PRR16: variants seen among roughly 807,000 people sequenced by gnomAD.
PRR16 encodes the protein protein Largen.
A neutral mutation model predicts 18.2 loss-of-function variants in PRR16; 6 were observed. The ratio of observed to expected loss-of-function variants is 0.33; its 90% CI spans 0.18 to 0.65. The LOEUF (loss-of-function observed/expected upper bound fraction) is 0.65. PRR16 is among the 30% of genes least tolerant of loss of function. The probability of loss-of-function intolerance (pLI) is 0.74; values close to 1 mark genes in which losing one functional copy is unlikely to be tolerated. For missense variants in PRR16, 412 were observed against 376.6 expected (o/e 1.09, Z -0.78); for synonymous variants, 151 against 147.8 (o/e 1.02, Z -0.16).
chr5:120,613,020 G>A (rs1282786805), intron 1 of PRR16, among the ~76,000 whole-genome samples: 2 of 152,034 alleles, frequency 1.3e-5, no homozygotes. Context: ...ACACTTATTG[G>A]GCAAAGACAA....
rs777003345 is a variant in PRR16 at position 120,686,715 on chromosome 5, G to A, written c.*6G>A. On this transcript the variant is annotated 3_prime_UTR_variant, in exon 2 of 2. Coordinates refer to ENST00000407149, the MANE Select transcript of PRR16 (RefSeq NM_001300783.2). The stretch of plus-strand genomic sequence containing the variant: ...CAACCACTACAACCGTGTGATGTAT[G>A]CCATTAAAAAAATTGTTTTTTTAAT... The A allele has an allele frequency of 6.9e-6, 10 of 1,456,174 alleles. No homozygotes were observed. In the Admixed American group the frequency reaches 2.2e-4, roughly 32 times the overall value. The allele number at this position is 1,456,174 out of a possible 1,614,324, so 90.2% of individuals were successfully genotyped here.
Position 120,626,884 on chromosome 5 carries a change from A to G in PRR16, c.160-59070A>G, listed in dbSNP as rs534363527. ...ACTGACCTTATTTCTCTTGGATATG[A>G]TAAACTGAATGTCTCACTTTGGAAA... On this transcript the variant is annotated intron_variant, in intron 1 of 1. Transcript: ENST00000407149. Among the ~76,000 whole-genome samples the G allele has an allele frequency of 4.5e-4, 69 of 152,280 alleles. 1 individual carries two copies. In the South Asian group the frequency reaches 0.014, roughly 31 times the overall value.
the PRR16 span, among the ~76,000 whole-genome samples, chr5:120,779,406 GAAAAC>G: frequency 0.099 from 15,089 of 151,860 alleles, 948 homozygotes; most frequent in African/African-American, 0.18. Context: ...CTTTTTCAGG[GAAAAC>G]AAAACAAAAC....
At chr5:120,607,276 C>T (rs1754184626) in intron 1 of PRR16, among the ~76,000 whole-genome samples, 1 of 152,056 alleles carries the variant, frequency 6.6e-6, no homozygotes, top group Non-Finnish European at 1.5e-5. Flanking sequence ...TCCCCTTTTA[C>T]TGAAAAGTGA....
intron 1 of PRR16, among the ~76,000 whole-genome samples, chr5:120,603,282 A>T (rs1036051919): frequency 2.6e-5 from 4 of 151,980 alleles, no homozygotes; most frequent in Non-Finnish European, 5.9e-5. Context: ...TTCCTGTTTT[A>T]ATCTTGGAAG....
intron 1 of PRR16, among the ~76,000 whole-genome samples, chr5:120,670,238 CTCCCAACACAGTTTTGTT>C (rs1292397803): frequency 2.0e-5 from 3 of 152,046 alleles, no homozygotes; most frequent in Non-Finnish European, 4.4e-5. Flanking sequence ...TTTATAGTAT[CTCCCAACACAGTTTTGTT>C]AAAATTAAAC....
At chr5:120,729,387 A>C in the PRR16 span, among the ~76,000 whole-genome samples, 1 of 151,732 alleles carries the variant, frequency 6.6e-6, no homozygotes, top group African/African-American at 2.4e-5. Flanking sequence ...CTTATTTCTT[A>C]ATATAATTTT....
chr5:120,465,045 T>A (rs1328402151), intron 1 of PRR16, among the ~76,000 whole-genome samples: 1 of 152,066 alleles, frequency 6.6e-6, no homozygotes, highest in African/African-American at 2.4e-5. Context: ...CTTTGGCAAG[T>A]CCGCTGCCTA....
chr5:120,615,375 C>CTTTCT (rs1754472337), intron 1 of PRR16, among the ~76,000 whole-genome samples: 1 of 113,098 alleles, frequency 8.8e-6, no homozygotes, highest in South Asian at 3.0e-4. Flanking sequence ...ATTTCTTTTT[C>CTTTCT]TTTCTTTTCT....
the PRR16 span, among the ~76,000 whole-genome samples, chr5:120,697,883 T>C: frequency 6.6e-6 from 1 of 151,958 alleles, no homozygotes; most frequent in Admixed American, 6.6e-5. Context: ...AAAAGAAGTA[T>C]TTACACTTCT....
In PRR16 at chr5:120,600,651, A is replaced by G. The variant is rs182517783; in HGVS notation, c.160-85303A>G. 3.7e-3 allele frequency among the ~76,000 whole-genome samples: 565 copies of G among 151,832 alleles called. 7 individuals carry two copies. Among genetic ancestry groups the G allele is most frequent in the African/African-American group, 0.012 (511 of 41,466 alleles). ...GAAAATTATGTGTTTCTGGGGTTTG[A>G]TGTACAAATTATTTCATCACCCGGA... On this transcript the variant is annotated intron_variant, in intron 1 of 1. Transcript: ENST00000407149.
At chr5:120,618,833 A>G (rs1042178391) in intron 1 of PRR16, among the ~76,000 whole-genome samples, 19 of 151,982 alleles carry the variant, frequency 1.3e-4, no homozygotes, top group Admixed American at 1.1e-3. Context: ...GCAGTTTGCC[A>G]AGTCACTTAT....
chr5:120,512,541 A>G (rs1442028725), intron 1 of PRR16, among the ~76,000 whole-genome samples: 1 of 152,196 alleles, frequency 6.6e-6, no homozygotes, highest in African/African-American at 2.4e-5. Flanking sequence ...CATAGAAAAA[A>G]GAATCTGAGA....
intron 1 of PRR16, among the ~76,000 whole-genome samples, chr5:120,676,522 A>ATG (rs60138197): frequency 0.012 from 1,572 of 126,046 alleles, 27 homozygotes; most frequent in African/African-American, 0.043. Context: ...ATATATATAT[A>ATG]TGTGTGTGTG....
chr5:120,590,157 T>C (rs6862435), intron 1 of PRR16, among the ~76,000 whole-genome samples: 129,139 of 151,982 alleles, frequency 0.85, 55,038 homozygotes, highest in East Asian at 0.91. Flanking sequence ...ATAACAATAT[T>C]GAATGCTGTA....
intron 1 of PRR16, among the ~76,000 whole-genome samples, chr5:120,666,534 G>A (rs1433515602): frequency 6.6e-6 from 1 of 151,784 alleles, no homozygotes; most frequent in African/African-American, 2.4e-5. Context: ...CCTGTCTTGT[G>A]CCAGTTTTCA....
chr5:120,536,332 A>G (rs767729854), intron 1 of PRR16, among the ~76,000 whole-genome samples: 6 of 152,240 alleles, frequency 3.9e-5, no homozygotes, highest in Non-Finnish European at 8.8e-5. Context: ...GTAGTCATCT[A>G]TAAACCTCAG....
chr5:120,628,750 C>CT (rs1196291080), intron 1 of PRR16, among the ~76,000 whole-genome samples: 1 of 144,858 alleles, frequency 6.9e-6, no homozygotes, highest in African/African-American at 2.6e-5. Flanking sequence ...ATCTATCTAT[C>CT]ATCTATCTGT....
At chr5:120,498,242 T>C (rs1234448328) in intron 1 of PRR16, among the ~76,000 whole-genome samples, 3 of 150,448 alleles carry the variant, frequency 2.0e-5, no homozygotes, top group Non-Finnish European at 4.4e-5. Context: ...GTAGTTTTTC[T>C]AACAGTTTTC....
Sources: allele counts gnomAD v4.1 joint callset (sites outside exome capture counted in the v4.1 genomes callset), GRCh38; gene constraint gnomAD v4.1.1; transcripts MANE v1.5; gene names NCBI Gene and HGNC (gene_info 2026-07-23, HGNC 2026-07-21).